Variants in NLRC5 observed in about 807,000 individuals in gnomAD.
NLRC5 encodes protein NLRC5.
NLRC5 carries 114 observed loss-of-function variants against 206.9 expected under a neutral mutation model. That is an observed-to-expected ratio of 0.55 (90% confidence interval 0.47 to 0.64). The LOEUF (loss-of-function observed/expected upper bound fraction) is 0.64. NLRC5 is among the 30% of genes least tolerant of loss of function. The pLI, the probability that NLRC5 is intolerant of heterozygous loss-of-function variation, is 0.00. For missense variants in NLRC5, 2,008 were observed against 2,305.5 expected, an observed-to-expected ratio of 0.87 and a Z score of 2.64; for synonymous variants, 952 against 962.8, an observed-to-expected ratio of 0.99 and a Z score of 0.21.
chr16:57,037,621 G>A lies in NLRC5; in HGVS notation c.2801+337G>A, dbSNP rs117538206. 4.2e-4 allele frequency among the ~76,000 whole-genome samples: 64 copies of A among 152,292 alleles called. 1 individual carries two copies. In the East Asian group the frequency reaches 0.012, roughly 28 times the overall value. On this transcript the variant is annotated intron_variant, in intron 15 of 48. Coordinates refer to ENST00000688547, the MANE Select transcript of NLRC5 (RefSeq NM_001384950.1). ...TCCAGTGGGACAAAGCTCCCTGGGAGACTAGGCCAAGGACTTGCTCCGTTT... is the reference window on the plus strand; with the variant it reads ...TCCAGTGGGACAAAGCTCCCTGGGAAACTAGGCCAAGGACTTGCTCCGTTT...
chr16:57,075,005 C>CCTTT (rs2068196484), intron 39 of NLRC5, among the ~76,000 whole-genome samples: 1 of 58,066 alleles, frequency 1.7e-5, no homozygotes, highest in Non-Finnish European at 3.2e-5. Flanking sequence ...CTAGACTGTG[C>CCTTT]TTTTTTTTTT....
intron 48 of NLRC5, among the ~76,000 whole-genome samples, chr16:57,082,078 C>A (rs536713765): frequency 2.0e-5 from 3 of 152,326 alleles, no homozygotes; most frequent in South Asian, 4.1e-4. Flanking sequence ...GAGTAAAGTA[C>A]CTTGTTCTAC....
intron 23 of NLRC5, among the ~76,000 whole-genome samples, chr16:57,050,471 A>G (rs376845060): frequency 2.6e-4 from 40 of 152,334 alleles, no homozygotes; most frequent in African/African-American, 9.6e-4. Flanking sequence ...GAGAGGGGAG[A>G]GGGCAGCCTG....
At chr16:57,062,312 C>G in intron 32 of NLRC5, 2 of 369,076 alleles carry the variant, frequency 5.4e-6, no homozygotes, top group Non-Finnish European at 1.0e-5. Context: ...GTGTCGGGTA[C>G]TACCTAGTCT....
At position 57,066,503 on chromosome 16, in the gene NLRC5, G is replaced by A. The variant is rs768322198; in HGVS notation, c.4242-31G>A. 5.4e-5 allele frequency: 87 copies of A among 1,609,278 alleles called. 2 individuals are homozygous for A. In the Admixed American group the frequency reaches 1.2e-3, roughly 22 times the overall value. ...CTAGGCCCTCCGGGGAAGGCTGCCC[G>A]ACCTCACGTTGGTTACTGCTCACTC... On this transcript the variant is annotated intron_variant, in intron 33 of 48. Transcript: ENST00000688547.
intron 17 of NLRC5, 59 bp from the exon 18 acceptor site, chr16:57,041,426 G>C: frequency 6.9e-7 from 1 of 1,451,790 alleles, no homozygotes; most frequent in Non-Finnish European, 9.6e-7. Context: ...GTGGGAAAGC[G>C]GCTCCTTCCC....
chr16:57,077,243 G>T lies in NLRC5; in HGVS notation c.4836-53G>T. Reference sequence around the variant, plus strand: ...CTCCCCTTCTTTTTCTGGGAGTGGGGTGTGGACAAGATGAGACGGCAGAAG... The same window carrying T: ...CTCCCCTTCTTTTTCTGGGAGTGGGTTGTGGACAAGATGAGACGGCAGAAG... On this transcript the variant is annotated intron_variant, in intron 40 of 48. Transcript: ENST00000688547. The T allele has an allele frequency of 2.6e-6, 4 of 1,512,600 alleles. No individual in the cohort carries two copies. The South Asian group carries it at 3.4e-5, about 13-fold the overall frequency. The allele number at this position is 1,512,600 out of a possible 1,614,324, so 93.7% of individuals were successfully genotyped here.
chr16:57,020,210 A>C (rs1597187346), intron 2 of NLRC5, among the ~76,000 whole-genome samples: 5 of 101,196 alleles, frequency 4.9e-5, no homozygotes, highest in African/African-American at 1.3e-4. Flanking sequence ...TCTGTACCCC[A>C]CTCACCTGCC....
At position 57,083,107 on chromosome 16, in the gene NLRC5, A is replaced by G. The variant is rs1161723985; in HGVS notation, c.*579A>G. The G allele has an allele frequency of 6.6e-6, 1 of 152,432 alleles. No homozygotes were observed. The highest frequency in any genetic ancestry group is 1.5e-5 in the Non-Finnish European group (1 of 68,186). The allele number at this position is 152,432 out of a possible 1,614,324, so 9.4% of individuals were successfully genotyped here. Reference sequence around the variant, plus strand: ...CCCGAGCTGGGAGGGGAGAGTGTCCATGCACTGACCAGTCCAGGGGCTCAA... The same window carrying G: ...CCCGAGCTGGGAGGGGAGAGTGTCCGTGCACTGACCAGTCCAGGGGCTCAA... On this transcript the variant is annotated 3_prime_UTR_variant, in exon 49 of 49. Transcript: ENST00000688547.
At chr16:57,060,572 A>T (rs1316341319) in intron 30 of NLRC5, among the ~76,000 whole-genome samples, 1 of 151,434 alleles carries the variant, frequency 6.6e-6, no homozygotes, top group East Asian at 1.9e-4. Context: ...CAAACCCCCC[A>T]CATACATACC....
intron 2 of NLRC5, among the ~76,000 whole-genome samples, chr16:57,019,613 A>G (rs1190978757): frequency 1.3e-5 from 2 of 152,170 alleles, no homozygotes; most frequent in African/African-American, 4.8e-5. Context: ...CTTCCTCAGT[A>G]TGGGTTCCAC....
chr16:57,061,577 AC>A (rs1447775162), intron 31 of NLRC5, 40 bp from the exon 32 acceptor site: 16 of 1,608,448 alleles, frequency 9.9e-6, no homozygotes, highest in Non-Finnish European at 1.4e-5. Flanking sequence ...GGGTGGGGGC[AC>A]CCTGCCAGAG....
At chr16:57,081,304 GC>G in intron 47 of NLRC5, 123 bp downstream of exon 47, 2 of 1,058,992 alleles carry the variant, frequency 1.9e-6, no homozygotes, top group South Asian at 1.5e-5. Context: ...GCACACTCTG[GC>G]CTGTTCCAAG....
chr16:57,055,220 G>A, intron 26 of NLRC5, 126 bp downstream of exon 26: 1 of 1,059,540 alleles, frequency 9.4e-7, no homozygotes, highest in Non-Finnish European at 1.4e-6. Flanking sequence ...CAACCCTGCA[G>A]AGGGACTTGT....
chr16:57,036,920 T>C (rs2062658885), intron 14 of NLRC5, among the ~76,000 whole-genome samples: 1 of 152,106 alleles, frequency 6.6e-6, no homozygotes, highest in South Asian at 2.1e-4. Context: ...AAATGGTGGT[T>C]ATTTTACAGA....
chr16:57,023,496 G>C (rs191094020), intron 4 of NLRC5, among the ~76,000 whole-genome samples: 1 of 152,302 alleles, frequency 6.6e-6, no homozygotes, highest in Admixed American at 6.5e-5. Flanking sequence ...TTGGAGCTGA[G>C]TGTTTCTGGG....
chr16:57,043,772 A>G (rs1179199401), intron 20 of NLRC5, 168 bp downstream of exon 20: 25 of 639,302 alleles, frequency 3.9e-5, no homozygotes, highest in Non-Finnish European at 6.3e-5. Flanking sequence ...GAATGAATGA[A>G]TGATCAAATG....
intron 22 of NLRC5, 113 bp from the exon 23 acceptor site, chr16:57,047,432 C>A: frequency 1.1e-6 from 1 of 900,470 alleles, no homozygotes; most frequent in Non-Finnish European, 1.8e-6. Flanking sequence ...GGGAAGGGGC[C>A]TGTGGCCTCC....
chr16:57,040,903 G>A lies in NLRC5; in HGVS notation c.2939+185G>A, dbSNP rs376725625. 2.0e-3 allele frequency among the ~76,000 whole-genome samples: 306 copies of A among 152,112 alleles called. 1 individual carries two copies. The highest frequency in any genetic ancestry group is 6.8e-3 in the African/African-American group (281 of 41,482). On this transcript the variant is annotated intron_variant, in intron 17 of 48. Coordinates refer to ENST00000688547, the MANE Select transcript of NLRC5 (RefSeq NM_001384950.1). ...CCCCTGCCCAGCCCACCCCAGACAGGGCTCACAAGGCAGCCCCGTCAACCA... is the reference window on the plus strand; with the variant it reads ...CCCCTGCCCAGCCCACCCCAGACAGAGCTCACAAGGCAGCCCCGTCAACCA...
Sources: allele counts gnomAD v4.1 joint callset (sites outside exome capture counted in the v4.1 genomes callset), GRCh38; gene constraint gnomAD v4.1.1; transcripts MANE v1.5; gene names NCBI Gene and HGNC (gene_info 2026-07-23, HGNC 2026-07-21).